The following MTA3 variants were observed in gnomAD, a reference collection of about 807,000 sequenced individuals.
MTA3 encodes metastasis-associated protein MTA3.
MTA3 carries 34 observed loss-of-function variants against 83.5 expected under a neutral mutation model. The observed-to-expected ratio is 0.41, with a 90% CI of 0.31 to 0.54. The LOEUF (loss-of-function observed/expected upper bound fraction) is 0.54, where lower values mean the gene tolerates loss of function less well. MTA3 is among the 20% of genes least tolerant of loss of function. The pLI is 0.33. For missense variants in MTA3, 761 were observed against 726.4 expected (o/e 1.05, Z -0.55); for synonymous variants, 303 against 252.7 (o/e 1.20, Z -1.89).
chr2:42,750,328 C>G (rs572403365), intron 16 of MTA3, among the ~76,000 whole-genome samples: 4 of 151,850 alleles, frequency 2.6e-5, no homozygotes, highest in Non-Finnish European at 5.9e-5. Context: ...TGTTTCTTCT[C>G]TCTGTTTCTT....
intron 2 of MTA3, among the ~76,000 whole-genome samples, chr2:42,532,138 T>C (rs1676009999): frequency 6.6e-6 from 1 of 152,260 alleles, no homozygotes; most frequent in African/African-American, 2.4e-5. Context: ...ACGTTCCACT[T>C]ATTTTTGTAA....
intron 4 of MTA3, among the ~76,000 whole-genome samples, chr2:42,616,603 G>A (rs552418235): frequency 2.2e-5 from 2 of 91,572 alleles, no homozygotes; most frequent in South Asian, 4.2e-4. Flanking sequence ...TTTTGAGACA[G>A]GGTCTCACTC....
intron 2 of MTA3, among the ~76,000 whole-genome samples, chr2:42,571,011 C>CA (rs1346296138): frequency 6.1e-4 from 89 of 145,840 alleles, no homozygotes; most frequent in East Asian, 1.2e-3. Context: ...AACTCCGTCT[C>CA]AAAAAAAAAT....
In MTA3 at chr2:42,695,784, C is replaced by G; in HGVS notation, c.911C>G (p.Thr304Ser). 1 of 1,555,370 alleles carries G rather than the reference C, an allele frequency of 6.4e-7. No individual in the cohort carries two copies. The highest frequency in any genetic ancestry group is 1.9e-5 in the Admixed American group (1 of 52,614). ...TTTCAGCTTCCTTGGAAATCATTGACTAGCATCATTGAATATTATTACATG... is the reference window on the plus strand; with the variant it reads ...TTTCAGCTTCCTTGGAAATCATTGAGTAGCATCATTGAATATTATTACATG... ...RQDFLPWKSL[T>S]SIIEYYYMWK... is the part of the protein sequence containing the mutation. Residue 304 changes from threonine to serine, a missense_variant, in exon 10 of 17, where the codon ACT becomes AGT. Coordinates refer to ENST00000405094, the MANE Select transcript of MTA3 (RefSeq NM_001330442.2).
chr2:42,704,059 A>C, intron 11 of MTA3, 135 bp from the exon 12 acceptor site: 1 of 1,028,486 alleles, frequency 9.7e-7, no homozygotes, highest in Non-Finnish European at 1.4e-6. Flanking sequence ...TGGTTTTACC[A>C]GTTTATTTCT....
At chr2:42,565,680 C>T (rs912484852), upstream of MTA3, among the ~76,000 whole-genome samples, 12 of 152,152 alleles carry the variant, frequency 7.9e-5, no homozygotes, top group South Asian at 2.1e-4. Context: ...GCATATGAAG[C>T]GCCCAACAAG....
rs1291350179 is a variant in MTA3 at position 42,625,265 on chromosome 2, CAG to C, written c.318-14907_318-14906del. 2.9e-3 allele frequency among the ~76,000 whole-genome samples: 431 copies of C among 150,546 alleles called. 4 individuals carry two copies. Among genetic ancestry groups the C allele is most frequent in the African/African-American group, 0.01 (414 of 40,158 alleles). On this transcript the variant is annotated intron_variant, in intron 4 of 16. Transcript: ENST00000405094. ...CAGGCTGGTCTTGAACTCCTGACCT[CAG>C]GTGATCCACCCACCTCGGCTTCTCA... is the stretch of plus-strand genomic sequence containing the variant.
chr2:42,697,455 A>G (rs1693488742), intron 10 of MTA3, among the ~76,000 whole-genome samples: 2 of 152,210 alleles, frequency 1.3e-5, no homozygotes, highest in African/African-American at 4.8e-5. Context: ...AGTAGAAACT[A>G]AATTTGGAAA....
chr2:42,579,181 G>A lies in MTA3; in HGVS notation c.171G>A (p.Met57Ile), dbSNP rs778851648. Residue 57 changes from methionine to isoleucine, a missense_variant, in exon 3 of 17, where the codon ATG becomes ATA. Coordinates refer to ENST00000405094, the MANE Select transcript of MTA3 (RefSeq NM_001330442.2). Reference protein sequence around the residue: ...RRRDISNTLIMLADKHAKEIE... With the variant: ...RRRDISNTLIILADKHAKEIE... ...GTGATATTTCCAACACACTTATAAT[G>A]CTCGCAGATAAGCATGCTAGTAAGT... 1.9e-6 allele frequency: 3 copies of A among 1,598,704 alleles called. No individual in the cohort carries two copies. Among genetic ancestry groups the A allele is most frequent in the Non-Finnish European group, 2.6e-6 (3 of 1,173,344 alleles).
At chr2:42,621,135 T>TTG (rs1227516499) in intron 4 of MTA3, among the ~76,000 whole-genome samples, 1 of 142,716 alleles carries the variant, frequency 7.0e-6, no homozygotes, top group Non-Finnish European at 1.6e-5. Context: ...TATTAGAGTT[T>TTG]TTTTTTTTTT....
intron 9 of MTA3, among the ~76,000 whole-genome samples, chr2:42,686,098 GT>G (rs1172206034): frequency 6.6e-6 from 1 of 152,094 alleles, no homozygotes; most frequent in African/African-American, 2.4e-5. Context: ...ATAATGGTGA[GT>G]TTTTTAAAGT....
intron 8 of MTA3, among the ~76,000 whole-genome samples, chr2:42,663,007 G>T (rs538273312): frequency 1.3e-5 from 2 of 152,264 alleles, no homozygotes; most frequent in South Asian, 2.1e-4. Flanking sequence ...TGGGATTACA[G>T]GTGTGAGCCA....
intron 2 of MTA3, among the ~76,000 whole-genome samples, chr2:42,515,864 A>G (rs1334708078): frequency 1.4e-5 from 2 of 144,850 alleles, no homozygotes; most frequent in Non-Finnish European, 3.0e-5. Flanking sequence ...TTGAGACAAG[A>G]GTCTCGCTCT....
At chr2:42,710,156 G>A (rs1666476920) in intron 14 of MTA3, among the ~76,000 whole-genome samples, 1 of 152,122 alleles carries the variant, frequency 6.6e-6, no homozygotes, top group African/African-American at 2.4e-5. Flanking sequence ...AAGGAATGAT[G>A]ACTGAAAAAA....
chr2:42,626,109 A>ATTTTT (rs1354519841), intron 4 of MTA3, among the ~76,000 whole-genome samples: 1 of 149,964 alleles, frequency 6.7e-6, no homozygotes, highest in Non-Finnish European at 1.5e-5. Flanking sequence ...CTCTCAGCTA[A>ATTTTT]TTTTTTTGTA....
At chr2:42,605,158 G>T (rs1471299848) in intron 3 of MTA3, among the ~76,000 whole-genome samples, 2 of 146,390 alleles carry the variant, frequency 1.4e-5, no homozygotes, top group African/African-American at 5.0e-5. Context: ...CAGTAGGGGC[G>T]GCCGGGCAGA....
intron 16 of MTA3, chr2:42,752,128 G>A (rs1669919601): frequency 6.4e-6 from 3 of 468,428 alleles, no homozygotes; most frequent in African/African-American, 6.0e-5. Context: ...AATAAAGCAA[G>A]GTTAGCATGA....
At chr2:42,577,656 T>C (rs1388750592) in intron 2 of MTA3, among the ~76,000 whole-genome samples, 1 of 151,994 alleles carries the variant, frequency 6.6e-6, no homozygotes, top group Non-Finnish European at 1.5e-5. Context: ...AATTTTTGTA[T>C]TTTTGGTAGA....
intron 3 of MTA3, among the ~76,000 whole-genome samples, chr2:42,598,930 A>T (rs550459895): frequency 6.6e-6 from 1 of 152,300 alleles, no homozygotes; most frequent in East Asian, 1.9e-4. Flanking sequence ...TGCTAGTGGC[A>T]TGCATTTTCA....
Sources: gnomAD v4.1 joint callset for allele counts (sites outside exome capture counted in the v4.1 genomes callset) on GRCh38, gnomAD v4.1.1 for gene constraint, MANE v1.5 for transcripts, NCBI Gene and HGNC (gene_info 2026-07-23, HGNC 2026-07-21) for gene names.